The following TEAD1 variants were observed in gnomAD, a reference collection of about 807,000 sequenced individuals.
TEAD1 encodes TEA domain transcription factor 1, also known as transcriptional enhancer factor TEF-1.
Under a neutral mutation model 54.9 loss-of-function variants are expected in TEAD1, and 9 were observed. The observed-to-expected ratio is 0.16, with a 90% CI of 0.10 to 0.29. The LOEUF is 0.29. Among genes scored for constraint, TEAD1 ranks in the 10% least tolerant of loss-of-function variants. The pLI, the probability that TEAD1 is intolerant of heterozygous loss-of-function variation, is 1.00. For synonymous variants in TEAD1, 200 were observed against 187.8 expected (o/e 1.07, Z -0.53); for missense variants, 387 against 535.9 (o/e 0.72, Z 2.74).
chr11:12,838,062 G>T (rs548974582), intron 3 of TEAD1, among the ~76,000 whole-genome samples: 2 of 152,254 alleles, frequency 1.3e-5, no homozygotes, highest in African/African-American at 4.8e-5. Context: ...CTCCCAAAGT[G>T]CTGGGATTAC....
chr11:12,747,059 C>A (rs571787667), intron 2 of TEAD1, among the ~76,000 whole-genome samples: 1 of 152,316 alleles, frequency 6.6e-6, no homozygotes, highest in Non-Finnish European at 1.5e-5. Flanking sequence ...CAGTGAGTCT[C>A]TTTTATCTCA....
intron 3 of TEAD1, among the ~76,000 whole-genome samples, chr11:12,818,961 C>T (rs148581194): frequency 6.6e-6 from 1 of 152,310 alleles, no homozygotes; most frequent in Non-Finnish European, 1.5e-5. Flanking sequence ...GTAAATGTAT[C>T]TGGAGCCTCA....
intron 2 of TEAD1, among the ~76,000 whole-genome samples, chr11:12,761,344 G>A (rs1945099432): frequency 1.3e-5 from 2 of 152,176 alleles, no homozygotes; most frequent in African/African-American, 2.4e-5. Context: ...ACTTCCCAAA[G>A]TGGATCTACA....
intron 3 of TEAD1, among the ~76,000 whole-genome samples, chr11:12,810,292 T>C (rs1946273862): frequency 6.6e-6 from 1 of 152,190 alleles, no homozygotes; most frequent in African/African-American, 2.4e-5. Flanking sequence ...TTCCCCATTC[T>C]TAAGTACCTA....
chr11:12,777,066 T>G (rs1945439794), intron 3 of TEAD1, among the ~76,000 whole-genome samples: 1 of 152,048 alleles, frequency 6.6e-6, no homozygotes, highest in Non-Finnish European at 1.5e-5. Flanking sequence ...GTGCTAGGAT[T>G]ACAGGCGTGA....
chr11:12,938,859 C>T lies in TEAD1; in HGVS notation c.*1637C>T, dbSNP rs1203238831. 1.3e-5 allele frequency: 2 copies of T among 152,182 alleles called. No individual in the cohort carries two copies. Among genetic ancestry groups the T allele is most frequent in the Admixed American group, 6.5e-5 (1 of 15,276 alleles). 9.4% of individuals were successfully genotyped at this position (152,182 alleles called of 1,614,324 possible). A position where few individuals can be genotyped will look rare whatever the true frequency, so the allele number is the denominator to read the frequency against. Reference sequence around the variant, plus strand: ...TGTAAGTGGTAGGAACATGTGCACACAATAGAACATGAAATAAGTTTTTTA... The same window carrying T: ...TGTAAGTGGTAGGAACATGTGCACATAATAGAACATGAAATAAGTTTTTTA... On this transcript the variant is annotated 3_prime_UTR_variant, in exon 13 of 13. Transcript: ENST00000527636.
chr11:12,864,977 C>A, intron 5 of TEAD1, 77 bp downstream of exon 5: 1 of 1,508,884 alleles, frequency 6.6e-7, no homozygotes, highest in Non-Finnish European at 9.2e-7. Context: ...TGGTGAATGC[C>A]TGGTGCTGGG....
At chr11:12,871,681 A>G (rs771819834) in intron 5 of TEAD1, among the ~76,000 whole-genome samples, 7 of 152,144 alleles carry the variant, frequency 4.6e-5, no homozygotes, top group Non-Finnish European at 7.3e-5. Context: ...TCTGGGAAGC[A>G]CCACCACACT....
intron 2 of TEAD1, among the ~76,000 whole-genome samples, chr11:12,688,023 A>G (rs558779261): frequency 5.8e-4 from 89 of 152,278 alleles, no homozygotes; most frequent in African/African-American, 2.1e-3. Context: ...AGGCAGGCAG[A>G]ATAAGTTAGC....
At chr11:12,847,183 T>TA (rs561986456) in intron 3 of TEAD1, among the ~76,000 whole-genome samples, 42 of 152,238 alleles carry the variant, frequency 2.8e-4, no homozygotes, top group African/African-American at 9.6e-4. Flanking sequence ...ATATTTTTTC[T>TA]TTCAGGGAGA....
At chr11:12,838,294 T>A (rs1245372113) in intron 3 of TEAD1, among the ~76,000 whole-genome samples, 2 of 152,178 alleles carry the variant, frequency 1.3e-5, no homozygotes, top group Non-Finnish European at 2.9e-5. Context: ...TGTCCTTGGG[T>A]AATAATGCTT....
chr11:12,873,685 G>C (rs758312742), intron 5 of TEAD1, among the ~76,000 whole-genome samples: 2 of 152,094 alleles, frequency 1.3e-5, no homozygotes, highest in Non-Finnish European at 2.9e-5. Flanking sequence ...CTTTTCTAAT[G>C]ATAAGCAAAT....
intron 3 of TEAD1, among the ~76,000 whole-genome samples, chr11:12,830,975 C>T (rs1050870740): frequency 1.3e-5 from 2 of 152,084 alleles, no homozygotes; most frequent in African/African-American, 4.8e-5. Context: ...CTTCATCTGC[C>T]GCAGGACCTC....
intron 5 of TEAD1, among the ~76,000 whole-genome samples, chr11:12,878,602 C>A (rs1187581575): frequency 6.6e-6 from 1 of 150,956 alleles, no homozygotes; most frequent in Non-Finnish European, 1.5e-5. Flanking sequence ...CTGGGGAAGC[C>A]ACAGAACCAG....
intron 2 of TEAD1, among the ~76,000 whole-genome samples, chr11:12,723,058 G>A (rs1944244519): frequency 6.6e-6 from 1 of 151,772 alleles, no homozygotes; most frequent in South Asian, 2.1e-4. Flanking sequence ...TTTCCTTAGG[G>A]TGAATTCCCA....
At chr11:12,918,009 T>C (rs1228695911) in intron 10 of TEAD1, among the ~76,000 whole-genome samples, 1 of 152,236 alleles carries the variant, frequency 6.6e-6, no homozygotes, top group Non-Finnish European at 1.5e-5. Flanking sequence ...GAAAATATCC[T>C]GTGGTTAGGT....
At chr11:12,767,479 G>A (rs1945229300) in intron 3 of TEAD1, among the ~76,000 whole-genome samples, 1 of 152,198 alleles carries the variant, frequency 6.6e-6, no homozygotes, top group African/African-American at 2.4e-5. Flanking sequence ...AGAGTGCTTT[G>A]TGATGTCACT....
intron 9 of TEAD1, among the ~76,000 whole-genome samples, chr11:12,885,402 A>T (rs1459280300): frequency 6.6e-6 from 1 of 151,370 alleles, no homozygotes; most frequent in Admixed American, 6.6e-5. Context: ...CGCCTGGCTA[A>T]TTTTTTTTGT....
At chr11:12,740,099 T>C (rs960409587) in intron 2 of TEAD1, among the ~76,000 whole-genome samples, 16 of 152,188 alleles carry the variant, frequency 1.1e-4, no homozygotes, top group African/African-American at 2.4e-4. Context: ...TCTGTACACA[T>C]AGGCAGTCTT....
Sources: allele counts gnomAD v4.1 joint callset (sites outside exome capture counted in the v4.1 genomes callset), GRCh38; gene constraint gnomAD v4.1.1; transcripts MANE v1.5; gene names NCBI Gene and HGNC (gene_info 2026-07-23, HGNC 2026-07-21).